The following ERC2 variants were observed in gnomAD, a reference collection of about 807,000 sequenced individuals.
The protein encoded by ERC2 is ERC protein 2.
In ERC2, 42 loss-of-function variants were observed where a neutral mutation model predicts 114.8. That is an observed-to-expected ratio of 0.37 (90% CI 0.29 to 0.47). ERC2 has a LOEUF of 0.47. ERC2 is among the 20% of genes least tolerant of loss of function. The pLI, the probability that ERC2 is intolerant of heterozygous loss-of-function variation, is 0.99. For missense variants in ERC2, 939 were observed against 1,150.7 expected, an observed-to-expected ratio of 0.82 and a Z score of 2.66; for synonymous variants, 454 against 425.5, an observed-to-expected ratio of 1.07 and a Z score of -0.82.
intron 17 of ERC2, among the ~76,000 whole-genome samples, chr3:55,607,630 T>TC (rs2058699638): frequency 6.9e-6 from 1 of 144,128 alleles, no homozygotes; most frequent in Non-Finnish European, 1.5e-5. Flanking sequence ...TTTTTTTTTT[T>TC]CTATAAGAAG....
In ERC2 at chr3:55,762,383, T is replaced by C. The variant is rs141983380; in HGVS notation, c.2565-27465A>G. 5.7e-3 allele frequency among the ~76,000 whole-genome samples: 873 copies of C among 152,292 alleles called. 8 individuals are homozygous for C. The highest frequency in any genetic ancestry group is 0.02 in the African/African-American group (817 of 41,566). The stretch of plus-strand genomic sequence containing the variant: ...GCTACCTTGCCTAGGAAAATGTTTC[T>C]GACACTGCAATGCACCTGATATTGA... On this transcript the variant is annotated intron_variant, in intron 14 of 17. Transcript: ENST00000288221.
intron 14 of ERC2, among the ~76,000 whole-genome samples, chr3:55,861,544 T>C (rs1184197649): frequency 6.6e-6 from 1 of 152,238 alleles, no homozygotes; most frequent in Non-Finnish European, 1.5e-5. Context: ...CAGCCCATGA[T>C]ATAGGGACCT....
intron 14 of ERC2, among the ~76,000 whole-genome samples, chr3:55,807,749 T>C (rs2059546835): frequency 6.6e-6 from 1 of 152,190 alleles, no homozygotes; most frequent in Non-Finnish European, 1.5e-5. Context: ...CTCCTTCCTT[T>C]GGAATTGTTA....
At chr3:56,083,907 GA>G (rs574928170) in intron 6 of ERC2, among the ~76,000 whole-genome samples, 48 of 146,974 alleles carry the variant, frequency 3.3e-4, no homozygotes, top group East Asian at 7.9e-4. Flanking sequence ...TTGTCTTAGG[GA>G]AAAAAAAAAT....
intron 3 of ERC2, among the ~76,000 whole-genome samples, chr3:56,220,586 G>A (rs2049838524): frequency 6.6e-6 from 1 of 152,198 alleles, no homozygotes; most frequent in Non-Finnish European, 1.5e-5. Flanking sequence ...CACTGTAGCT[G>A]GCGTGCCTGT....
chr3:55,538,502 A>G (rs1433045961), intron 17 of ERC2, among the ~76,000 whole-genome samples: 4 of 152,206 alleles, frequency 2.6e-5, no homozygotes, highest in Admixed American at 1.3e-4. Flanking sequence ...GCTGCGCTAA[A>G]TGGCTGTGTG....
At chr3:56,033,468 C>T (rs1018217652) in intron 7 of ERC2, among the ~76,000 whole-genome samples, 2 of 152,090 alleles carry the variant, frequency 1.3e-5, no homozygotes, top group African/African-American at 4.8e-5. Context: ...TTGAAGAATT[C>T]CCAGTAGCAT....
At chr3:56,105,847 A>T (rs556792459) in intron 6 of ERC2, among the ~76,000 whole-genome samples, 7 of 152,228 alleles carry the variant, frequency 4.6e-5, no homozygotes, top group Non-Finnish European at 1.0e-4. Context: ...CTAGCTAAAT[A>T]GGCATTTAAT....
intron 2 of ERC2, among the ~76,000 whole-genome samples, chr3:56,336,030 T>C (rs2057831896): frequency 1.3e-5 from 2 of 152,142 alleles, no homozygotes; most frequent in Admixed American, 1.3e-4. Context: ...TTCAACCTAG[T>C]GCACTGAATC....
rs146076795 is a variant in ERC2 at position 55,776,340 on chromosome 3, C to T, written c.2565-41422G>A. Among the ~76,000 whole-genome samples the T allele has an allele frequency of 3.4e-3, 518 of 152,058 alleles. 6 individuals carry two copies. Among genetic ancestry groups the T allele is most frequent in the African/African-American group, 0.012 (483 of 41,472 alleles). ...GGGGAGATTGTCATGGAGAGCACAA[C>T]GGAGTAAGAACAGACTGAGGATTTA... On this transcript the variant is annotated intron_variant, in intron 14 of 17. Transcript: ENST00000288221.
chr3:56,260,383 G>A (rs894879757), intron 3 of ERC2, among the ~76,000 whole-genome samples: 2 of 152,244 alleles, frequency 1.3e-5, no homozygotes, highest in East Asian at 3.9e-4. Context: ...ATGAGATGTC[G>A]CCAAGGGCCC....
intron 14 of ERC2, among the ~76,000 whole-genome samples, chr3:55,826,729 A>C (rs1330845386): frequency 6.6e-6 from 1 of 152,172 alleles, no homozygotes; most frequent in Admixed American, 6.5e-5. Context: ...TTTCTCCTCC[A>C]TATTCATTCG....
intron 15 of ERC2, among the ~76,000 whole-genome samples, chr3:55,732,750 A>T (rs535019529): frequency 1.9e-4 from 29 of 152,222 alleles, no homozygotes; most frequent in Non-Finnish European, 3.8e-4. Flanking sequence ...CAGCTCCACC[A>T]AGCTAATTCT....
intron 12 of ERC2, among the ~76,000 whole-genome samples, chr3:55,985,458 A>T (rs576414757): frequency 2.0e-5 from 3 of 152,378 alleles, no homozygotes; most frequent in Non-Finnish European, 2.9e-5. Flanking sequence ...TGTTACTAAC[A>T]CATTGATAAT....
intron 1 of ERC2, among the ~76,000 whole-genome samples, chr3:56,466,590 A>C (rs2063553583): frequency 6.6e-6 from 1 of 152,238 alleles, no homozygotes; most frequent in Admixed American, 6.5e-5. Flanking sequence ...CCCGGAAAGA[A>C]AATGGCTTGA....
At chr3:56,197,794 T>A (rs1464818457) in intron 3 of ERC2, among the ~76,000 whole-genome samples, 2 of 152,232 alleles carry the variant, frequency 1.3e-5, no homozygotes, top group African/African-American at 4.8e-5. Context: ...TCATTGGCAA[T>A]GGTAGTGGCA....
chr3:56,172,285 C>G (rs11716452), intron 4 of ERC2, among the ~76,000 whole-genome samples: 53,149 of 151,938 alleles, frequency 0.35, 10,369 homozygotes, highest in Middle Eastern at 0.47. Flanking sequence ...ATTATGAGTG[C>G]CTTGACTCAT....
chr3:56,052,898 C>A (rs1016864116), intron 7 of ERC2, among the ~76,000 whole-genome samples: 1 of 152,134 alleles, frequency 6.6e-6, no homozygotes, highest in Non-Finnish European at 1.5e-5. Flanking sequence ...TGCCTCCTGA[C>A]AGACCACACC....
intron 1 of ERC2, among the ~76,000 whole-genome samples, chr3:56,456,805 G>T (rs1379184076): frequency 2.6e-5 from 4 of 152,186 alleles, no homozygotes; most frequent in African/African-American, 9.7e-5. Context: ...TACAAATATG[G>T]TGATGCTGAT....
Sources: allele counts gnomAD v4.1 joint callset (sites outside exome capture counted in the v4.1 genomes callset), GRCh38; gene constraint gnomAD v4.1.1; transcripts MANE v1.5; gene names NCBI Gene and HGNC (gene_info 2026-07-23, HGNC 2026-07-21).